The following GPC5 variants were observed in gnomAD, a reference collection of about 807,000 sequenced individuals.
GPC5 encodes the protein glypican 5, also known as glypican-5.
GPC5 carries 47 observed loss-of-function variants against 53.9 expected under a neutral mutation model. That is an observed-to-expected ratio of 0.87 (90% CI 0.69 to 1.11). The LOEUF (loss-of-function observed/expected upper bound fraction) is 1.11. Ranked by LOEUF, GPC5 falls within the 50% of genes most tolerant of loss-of-function variation. The pLI, the probability that GPC5 is intolerant of heterozygous loss-of-function variation, is 0.00. For synonymous variants in GPC5, 286 were observed against 263.3 expected (o/e 1.09, Z -0.84); for missense variants, 748 against 713.1 (o/e 1.05, Z -0.56).
intron 7 of GPC5, among the ~76,000 whole-genome samples, chr13:92,784,210 G>T (rs1369310958): frequency 6.6e-6 from 1 of 152,172 alleles, no homozygotes; most frequent in Admixed American, 6.5e-5. Context: ...AGTCCAAAAA[G>T]TAGGTTGGTT....
At chr13:92,062,069 AT>A (rs2138854266) in intron 6 of GPC5, among the ~76,000 whole-genome samples, 1 of 151,938 alleles carries the variant, frequency 6.6e-6, no homozygotes, top group Admixed American at 6.6e-5. Flanking sequence ...AAGCTTTCTT[AT>A]TTTTAAAAGA....
At chr13:91,409,489 T>C (rs1346267446) in intron 1 of GPC5, among the ~76,000 whole-genome samples, 1 of 152,214 alleles carries the variant, frequency 6.6e-6, no homozygotes, top group Admixed American at 6.5e-5. Context: ...CACAAAAAAC[T>C]TCAGGTTTTA....
At chr13:92,280,151 T>C (rs2139167168) in intron 7 of GPC5, among the ~76,000 whole-genome samples, 1 of 152,250 alleles carries the variant, frequency 6.6e-6, no homozygotes, top group African/African-American at 2.4e-5. Flanking sequence ...TTCCAATTTG[T>C]CTAGATTATC....
At chr13:92,378,095 C>A (rs1926607) in intron 7 of GPC5, among the ~76,000 whole-genome samples, 73,371 of 151,826 alleles carry the variant, frequency 0.48, 17,898 homozygotes, top group East Asian at 0.55. Context: ...ATATAGCCAC[C>A]AGATGGCCAC....
intron 6 of GPC5, among the ~76,000 whole-genome samples, chr13:92,067,364 C>A (rs1411857410): frequency 1.3e-5 from 2 of 151,908 alleles, no homozygotes; most frequent in Admixed American, 6.6e-5. Flanking sequence ...AGCTGGGTAC[C>A]AACTAATTGT....
chr13:92,317,686 G>C (rs2043188776), intron 7 of GPC5, among the ~76,000 whole-genome samples: 1 of 151,794 alleles, frequency 6.6e-6, no homozygotes, highest in African/African-American at 2.4e-5. Context: ...ATTTTTACTA[G>C]AGACAGGGTT....
intron 2 of GPC5, among the ~76,000 whole-genome samples, chr13:91,599,439 G>T (rs1011259662): frequency 1.3e-5 from 2 of 151,796 alleles, no homozygotes; most frequent in African/African-American, 4.8e-5. Context: ...TGAGCATTTG[G>T]ACACAGAATA....
At chr13:92,458,360 G>T (rs910711012) in intron 7 of GPC5, among the ~76,000 whole-genome samples, 14 of 152,076 alleles carry the variant, frequency 9.2e-5, no homozygotes, top group Middle Eastern at 3.4e-3. Flanking sequence ...GTGCAGTGGC[G>T]CGATCTTGAC....
At chr13:92,545,416 A>T (rs897871054) in intron 7 of GPC5, among the ~76,000 whole-genome samples, 1 of 152,104 alleles carries the variant, frequency 6.6e-6, no homozygotes, top group African/African-American at 2.4e-5. Flanking sequence ...ATGTTTTATA[A>T]TCCTTTGGGT....
intron 2 of GPC5, among the ~76,000 whole-genome samples, chr13:91,588,729 A>G (rs1193663164): frequency 1.3e-5 from 2 of 151,834 alleles, no homozygotes; most frequent in East Asian, 1.9e-4. Context: ...TTTCTTCTTT[A>G]CCTTTATAAC....
chr13:91,954,937 C>G (rs1022391945), intron 6 of GPC5, among the ~76,000 whole-genome samples: 1 of 151,946 alleles, frequency 6.6e-6, no homozygotes, highest in African/African-American at 2.4e-5. Flanking sequence ...TCATATTCCT[C>G]ATTTCCAACA....
chr13:92,767,907 T>C (rs905324954), intron 7 of GPC5, among the ~76,000 whole-genome samples: 3 of 152,198 alleles, frequency 2.0e-5, no homozygotes, highest in Non-Finnish European at 4.4e-5. Flanking sequence ...GTTAGATTTG[T>C]CTATTTTTAA....
chr13:91,547,215 T>C (rs949919141), intron 2 of GPC5, among the ~76,000 whole-genome samples: 2 of 152,114 alleles, frequency 1.3e-5, no homozygotes, highest in Non-Finnish European at 2.9e-5. Flanking sequence ...AGAAGATATT[T>C]AGCAATATTG....
intron 5 of GPC5, among the ~76,000 whole-genome samples, chr13:91,867,382 A>T (rs1302272375): frequency 2.0e-5 from 3 of 152,216 alleles, no homozygotes; most frequent in African/African-American, 7.2e-5. Flanking sequence ...AAAGAGAGTA[A>T]TGTGGCAGTC....
At chr13:91,463,965 T>C (rs1566422306) in intron 2 of GPC5, among the ~76,000 whole-genome samples, 3 of 152,122 alleles carry the variant, frequency 2.0e-5, no homozygotes, top group South Asian at 2.1e-4. Flanking sequence ...ATGAAAACAC[T>C]GTAAGCAAAT....
At chr13:91,503,489 T>G (rs1425721865) in intron 2 of GPC5, among the ~76,000 whole-genome samples, 2 of 152,006 alleles carry the variant, frequency 1.3e-5, no homozygotes, top group Non-Finnish European at 2.9e-5. Context: ...TTACAATTAA[T>G]AATTAGGCTG....
At chr13:91,902,541 C>CA (rs2039507948) in intron 5 of GPC5, among the ~76,000 whole-genome samples, 1 of 151,956 alleles carries the variant, frequency 6.6e-6, no homozygotes, top group South Asian at 2.1e-4. Context: ...ACTTCCCCAA[C>CA]AAAAAATCTG....
intron 1 of GPC5, among the ~76,000 whole-genome samples, chr13:91,435,443 T>G (rs149759724): frequency 2.0e-5 from 3 of 152,214 alleles, no homozygotes; most frequent in Non-Finnish European, 4.4e-5. Context: ...ACTGAGATAA[T>G]CATATGGTTT....
chr13:92,335,382 A>AG (rs2043315082), intron 7 of GPC5, among the ~76,000 whole-genome samples: 1 of 152,222 alleles, frequency 6.6e-6, no homozygotes, highest in African/African-American at 2.4e-5. Context: ...TGAATACAGA[A>AG]GGGGGGCCCT....
Sources: allele counts gnomAD v4.1 joint callset (sites outside exome capture counted in the v4.1 genomes callset), GRCh38; gene constraint gnomAD v4.1.1; transcripts MANE v1.5; gene names NCBI Gene and HGNC (gene_info 2026-07-23, HGNC 2026-07-21).